DPP6: variants seen among roughly 807,000 people sequenced by gnomAD.
The protein encoded by DPP6 is dipeptidyl peptidase like 6.
In DPP6, 69 loss-of-function variants were observed where a neutral mutation model predicts 122.6. That is an observed-to-expected ratio of 0.56 (90% CI 0.46 to 0.69). DPP6 has a LOEUF of 0.69. DPP6 is among the 30% of genes least tolerant of loss of function. The pLI, the probability that DPP6 is intolerant of heterozygous loss-of-function variation, is 0.00. For synonymous variants in DPP6, 418 were observed against 433.1 expected, an observed-to-expected ratio of 0.97 and a Z score of 0.43; for missense variants, 928 against 1,116.9, an observed-to-expected ratio of 0.83 and a Z score of 2.41.
chr7:153,974,760 C>T (rs1414437683), intron 1 of DPP6, among the ~76,000 whole-genome samples: 4 of 152,170 alleles, frequency 2.6e-5, no homozygotes, highest in Non-Finnish European at 5.9e-5. Flanking sequence ...AAGTCAAGCG[C>T]TGTGTCATCA....
chr7:154,323,701 A>C (rs1249317411), intron 1 of DPP6, among the ~76,000 whole-genome samples: 1 of 152,212 alleles, frequency 6.6e-6, no homozygotes, highest in Non-Finnish European at 1.5e-5. Flanking sequence ...TTTCAGCCTT[A>C]GTTCCTTTTC....
chr7:154,838,388 T>G (rs1801253353), intron 16 of DPP6: 1 of 152,250 alleles, frequency 6.6e-6, no homozygotes, highest in Admixed American at 6.5e-5. Context: ...GGACTCGCTT[T>G]GAAGATCTCT....
intron 2 of DPP6, among the ~76,000 whole-genome samples, chr7:154,453,239 A>C (rs1289206650): frequency 6.6e-6 from 1 of 152,184 alleles, no homozygotes; most frequent in East Asian, 1.9e-4. Context: ...TATGCCGGAA[A>C]CACTAGAACA....
At chr7:154,088,151 C>T (rs562597788) in intron 1 of DPP6, among the ~76,000 whole-genome samples, 42 of 152,246 alleles carry the variant, frequency 2.8e-4, no homozygotes, top group South Asian at 1.2e-3. Flanking sequence ...TTGGCTGAAA[C>T]GGAAACAACC....
Position 154,778,564 on chromosome 7 carries a change from C to CA in DPP6, c.1136+5630dup, listed in dbSNP as rs371246098. Among the ~76,000 whole-genome samples the CA allele has an allele frequency of 4.2e-3, 625 of 147,756 alleles. 4 individuals carry two copies. Among genetic ancestry groups the CA allele is most frequent in the African/African-American group, 0.015 (586 of 39,618 alleles). ...ACCTAATGGCTTGAGCACCCCCCCC[C>CA]AAAAAAAACCACCACCATCATCAGT... On this transcript the variant is annotated intron_variant, in intron 10 of 25. Transcript: ENST00000377770.
intron 1 of DPP6, among the ~76,000 whole-genome samples, chr7:153,921,379 AATG>A (rs564533173): frequency 6.6e-6 from 1 of 152,240 alleles, no homozygotes; most frequent in African/African-American, 2.4e-5. Context: ...ATTTATTTAA[AATG>A]ATGTTATCTT....
At chr7:154,029,364 A>C (rs989856183) in intron 1 of DPP6, among the ~76,000 whole-genome samples, 8 of 151,206 alleles carry the variant, frequency 5.3e-5, no homozygotes, top group African/African-American at 1.9e-4. Context: ...AAAATACAAA[A>C]AAAATAGCTG....
At chr7:153,838,371 A>G in the DPP6 span, among the ~76,000 whole-genome samples, 1 of 152,060 alleles carries the variant, frequency 6.6e-6, no homozygotes, top group East Asian at 1.9e-4. Context: ...TTCAGTGGAG[A>G]TTTCAGTGAA....
intron 1 of DPP6, among the ~76,000 whole-genome samples, chr7:154,179,616 C>A (rs1201897553): frequency 6.6e-6 from 1 of 152,198 alleles, no homozygotes; most frequent in Non-Finnish European, 1.5e-5. Context: ...GCTTCCTTTT[C>A]CCCTACATCA....
At chr7:154,666,302 A>T (rs1838162070) in intron 6 of DPP6, among the ~76,000 whole-genome samples, 1 of 151,110 alleles carries the variant, frequency 6.6e-6, no homozygotes, top group Non-Finnish European at 1.5e-5. Context: ...TTATAGAGTT[A>T]TTCATTCTCT....
chr7:154,198,695 A>G (rs1211075882), intron 1 of DPP6, among the ~76,000 whole-genome samples: 1 of 152,258 alleles, frequency 6.6e-6, no homozygotes, highest in Non-Finnish European at 1.5e-5. Flanking sequence ...TGATACACCT[A>G]GAAGGTTACA....
At chr7:153,775,874 A>C in the DPP6 span, among the ~76,000 whole-genome samples, 1 of 152,244 alleles carries the variant, frequency 6.6e-6, no homozygotes, top group Non-Finnish European at 1.5e-5. Flanking sequence ...AAATATTTAC[A>C]GGATCTGTAT....
intron 1 of DPP6, among the ~76,000 whole-genome samples, chr7:154,426,177 C>T (rs1033145363): frequency 1.3e-5 from 2 of 152,140 alleles, no homozygotes; most frequent in Non-Finnish European, 2.9e-5. Context: ...CAGCTCTTTA[C>T]CCAGCATACT....
intron 1 of DPP6, among the ~76,000 whole-genome samples, chr7:154,417,140 A>G (rs770732275): frequency 1.8e-4 from 27 of 152,294 alleles, no homozygotes; most frequent in Middle Eastern, 6.8e-3. Context: ...AGCAAGTCTG[A>G]GGTGTCTGGG....
In DPP6 at chr7:154,320,883, C is replaced by T. The variant is rs570098177; in HGVS notation, c.244-125331C>T. On this transcript the variant is annotated intron_variant, in intron 1 of 25. Coordinates refer to ENST00000377770, the MANE Select transcript of DPP6 (RefSeq NM_130797.4). ...TATTATTATAAATATTTGCTGAGAA[C>T]TTTCTGAGCAAAGGGTACTATTTAT... is the stretch of plus-strand genomic sequence containing the variant. Among the ~76,000 whole-genome samples the T allele has an allele frequency of 7.7e-4, 117 of 152,242 alleles. 1 individual carries two copies. Among genetic ancestry groups the T allele is most frequent in the African/African-American group, 2.7e-3 (111 of 41,546 alleles).
At chr7:154,262,023 G>A (rs71534123) in intron 1 of DPP6, among the ~76,000 whole-genome samples, 1 of 151,974 alleles carries the variant, frequency 6.6e-6, no homozygotes, top group Non-Finnish European at 1.5e-5. Flanking sequence ...GAGAGAGGGA[G>A]AGAGGGAGAG....
At chr7:154,442,104 T>A (rs913978509) in intron 1 of DPP6, among the ~76,000 whole-genome samples, 24 of 152,178 alleles carry the variant, frequency 1.6e-4, no homozygotes, top group African/African-American at 5.8e-4. Context: ...TCTGCATCCA[T>A]CAATGATTGC....
chr7:154,064,348 C>T (rs1385030149), intron 1 of DPP6, among the ~76,000 whole-genome samples: 3 of 152,168 alleles, frequency 2.0e-5, no homozygotes, highest in African/African-American at 4.8e-5. Flanking sequence ...AGCTGGGCAG[C>T]GTCAAGTGCC....
chr7:154,637,780 T>C (rs1172575598), intron 5 of DPP6, 41 bp from the exon 6 acceptor site: 1 of 1,541,542 alleles, frequency 6.5e-7, no homozygotes, highest in Admixed American at 2.0e-5. Context: ...GTAACAGCCT[T>C]TGTCTCAATG....
Sources: allele counts gnomAD v4.1 joint callset (sites outside exome capture counted in the v4.1 genomes callset), GRCh38; gene constraint gnomAD v4.1.1; transcripts MANE v1.5; gene names NCBI Gene and HGNC (gene_info 2026-07-23, HGNC 2026-07-21).